Variants in ZYG11B observed in about 807,000 individuals in gnomAD.
ZYG11B encodes the protein zyg-11 family member B, cell cycle regulator.
In ZYG11B, 36 loss-of-function variants were observed where a neutral mutation model predicts 82.4. The ratio of observed to expected loss-of-function variants is 0.44; its 90% CI spans 0.33 to 0.58. ZYG11B has a LOEUF of 0.58. Among genes scored for constraint, ZYG11B ranks in the 20% least tolerant of loss-of-function variants. The pLI is 0.02. For missense variants in ZYG11B, 552 were observed against 895.6 expected (o/e 0.62, Z 4.90); for synonymous variants, 303 against 312.8 (o/e 0.97, Z 0.33).
At chr1:52,759,926 G>A (rs762692477) in intron 2 of ZYG11B, among the ~76,000 whole-genome samples, 7 of 152,108 alleles carry the variant, frequency 4.6e-5, no homozygotes, top group Non-Finnish European at 8.8e-5. Flanking sequence ...TGCTTCCCAG[G>A]TTTAAGCAAT....
chr1:52,802,471 C>G (rs549159488), intron 10 of ZYG11B, among the ~76,000 whole-genome samples: 2 of 150,472 alleles, frequency 1.3e-5, no homozygotes, highest in Admixed American at 1.3e-4. Flanking sequence ...CCAACTCAGT[C>G]TCCCTAGTAG....
chr1:52,768,950 A>G (rs1644723267), intron 2 of ZYG11B, among the ~76,000 whole-genome samples: 5 of 152,108 alleles, frequency 3.3e-5, no homozygotes, highest in Admixed American at 3.3e-4. Flanking sequence ...GGCCTTACTC[A>G]AAGATCACCT....
chr1:52,777,487 C>T (rs1343338135), intron 3 of ZYG11B, among the ~76,000 whole-genome samples: 2 of 152,134 alleles, frequency 1.3e-5, no homozygotes, highest in East Asian at 3.9e-4. Context: ...CTCTGTTGCG[C>T]ATCATGGAGT....
At chr1:52,752,351 T>G (rs111543672) in intron 1 of ZYG11B, among the ~76,000 whole-genome samples, 262 of 152,244 alleles carry the variant, frequency 1.7e-3, no homozygotes, top group African/African-American at 5.8e-3. Flanking sequence ...CTTCCATGCC[T>G]CCTCCAGCAC....
chr1:52,802,152 C>T lies in ZYG11B; in HGVS notation c.1695+13C>T. On this transcript the variant is annotated intron_variant, in intron 10 of 13. Coordinates refer to ENST00000294353, the MANE Select transcript of ZYG11B (RefSeq NM_024646.3). The stretch of plus-strand genomic sequence containing the variant: ...TCTAGGACTTTTGGTAAGATATAAG[C>T]ACTTCCTGCTAAGTTCCAAGCTATA... 6.2e-7 allele frequency: 1 copy of T among 1,606,754 alleles called. No individual in the cohort carries two copies. The highest frequency in any genetic ancestry group is 1.1e-5 in the South Asian group (1 of 88,328).
At chr1:52,728,751 C>A (rs541006389) in intron 1 of ZYG11B, among the ~76,000 whole-genome samples, 1 of 152,142 alleles carries the variant, frequency 6.6e-6, no homozygotes, top group South Asian at 2.1e-4. Context: ...TAAAAGTGTC[C>A]TTTGAGCTGG....
chr1:52,780,561 C>T (rs1031862456), intron 4 of ZYG11B, among the ~76,000 whole-genome samples: 1 of 152,076 alleles, frequency 6.6e-6, no homozygotes, highest in Non-Finnish European at 1.5e-5. Context: ...GGTACTTTTC[C>T]ATGCTGTTTA....
intron 10 of ZYG11B, among the ~76,000 whole-genome samples, chr1:52,806,083 A>G (rs1211473632): frequency 2.6e-5 from 4 of 152,096 alleles, no homozygotes; most frequent in Admixed American, 6.6e-5. Context: ...TCAATAATTT[A>G]ATTTGAGATA....
At position 52,823,210 on chromosome 1, in the gene ZYG11B, T is replaced by A. The variant is rs1645295705; in HGVS notation, c.*1581T>A. ...GGCTCATGCTTGTAATCCCAGCACTTTGGGAAGCTGAAGCAGGAGGATTGC... is the reference window on the plus strand; with the variant it reads ...GGCTCATGCTTGTAATCCCAGCACTATGGGAAGCTGAAGCAGGAGGATTGC... On this transcript the variant is annotated 3_prime_UTR_variant, in exon 14 of 14. Coordinates refer to ENST00000294353, the MANE Select transcript of ZYG11B (RefSeq NM_024646.3). 1.3e-5 allele frequency: 2 copies of A among 152,060 alleles called. No individual in the cohort carries two copies. Among genetic ancestry groups the A allele is most frequent in the East Asian group, 3.9e-4 (2 of 5,176 alleles). The allele number at this position is 152,060 out of a possible 1,614,324, so 9.4% of individuals were successfully genotyped here. A position where few individuals can be genotyped will look rare whatever the true frequency, so the allele number is the denominator to read the frequency against.
At chr1:52,781,854 C>G (rs947634788) in intron 4 of ZYG11B, among the ~76,000 whole-genome samples, 2 of 151,906 alleles carry the variant, frequency 1.3e-5, no homozygotes, top group African/African-American at 4.8e-5. Flanking sequence ...CATTTTAGTC[C>G]TTAGGATATT....
At chr1:52,756,191 T>A (rs1315508983) in intron 1 of ZYG11B, among the ~76,000 whole-genome samples, 2 of 152,218 alleles carry the variant, frequency 1.3e-5, no homozygotes, top group Non-Finnish European at 2.9e-5. Flanking sequence ...TAGAACCCCC[T>A]GCTGTGTGCT....
chr1:52,790,139 C>T, intron 6 of ZYG11B, 72 bp downstream of exon 6: 3 of 1,064,598 alleles, frequency 2.8e-6, no homozygotes, highest in Non-Finnish European at 2.7e-6. Context: ...TCATTTCTTA[C>T]CATTTAGGAT....
intron 3 of ZYG11B, among the ~76,000 whole-genome samples, chr1:52,779,490 A>ATATT (rs1446166075): frequency 6.6e-6 from 1 of 151,894 alleles, no homozygotes. Context: ...TATACAAATG[A>ATATT]TATTTATTTA....
Position 52,783,997 on chromosome 1 carries a change from T to TAGAGAGAGAGAGAG in ZYG11B, c.1093-878_1093-865dup, listed in dbSNP as rs60838674. On this transcript the variant is annotated intron_variant, in intron 4 of 13. Coordinates refer to ENST00000294353, the MANE Select transcript of ZYG11B (RefSeq NM_024646.3). ...ACACACACACACACATATATATATATAGAGAGAGAGAGAGATGGAGTTTCA... is the reference window on the plus strand; with the variant it reads ...ACACACACACACACATATATATATATAGAGAGAGAGAGAGAGAGAGAGAGAGAGATGGAGTTTCA... Among the ~76,000 whole-genome samples the TAGAGAGAGAGAGAG allele has an allele frequency of 3.7e-4, 52 of 142,426 alleles. No individual in the cohort carries two copies. In the East Asian group the frequency reaches 9.5e-3, roughly 26 times the overall value. 93.4% of individuals were successfully genotyped at this position (142,426 alleles called of 152,430 possible).
At chr1:52,782,788 TA>T (rs554015822) in intron 4 of ZYG11B, among the ~76,000 whole-genome samples, 1 of 151,870 alleles carries the variant, frequency 6.6e-6, no homozygotes, top group Non-Finnish European at 1.5e-5. Context: ...AGGCTAATTT[TA>T]AAAAAATTTT....
At position 52,795,016 on chromosome 1, in the gene ZYG11B, A is replaced by G. The variant is rs1366619438; in HGVS notation, c.1335-1276A>G. Among the ~76,000 whole-genome samples the G allele has an allele frequency of 3.9e-5, 6 of 152,252 alleles. No homozygotes were observed. In the East Asian group the frequency reaches 9.7e-4, roughly 25 times the overall value. On this transcript the variant is annotated intron_variant, in intron 6 of 13. Coordinates refer to ENST00000294353, the MANE Select transcript of ZYG11B (RefSeq NM_024646.3). Reference sequence around the variant, plus strand: ...TCATATTCCTGCTCAGAAGCCTTCTATGGCTTTCCCTCTCATTCAGAGTAA... The same window carrying G: ...TCATATTCCTGCTCAGAAGCCTTCTGTGGCTTTCCCTCTCATTCAGAGTAA...
intron 2 of ZYG11B, among the ~76,000 whole-genome samples, chr1:52,767,758 G>C (rs924951132): frequency 5.3e-5 from 8 of 152,148 alleles, no homozygotes; most frequent in African/African-American, 1.9e-4. Flanking sequence ...CTGCTTCCCA[G>C]TTGGCTTCTA....
chr1:52,816,213 A>G (rs1007018764), intron 12 of ZYG11B, among the ~76,000 whole-genome samples: 10 of 152,110 alleles, frequency 6.6e-5, no homozygotes, highest in African/African-American at 2.2e-4. Flanking sequence ...TTATCACCTA[A>G]TTTCTCTATT....
At chr1:52,817,781 A>ATATATATATATATATATATATATATG (rs1645240657) in intron 13 of ZYG11B, among the ~76,000 whole-genome samples, 3 of 21,500 alleles carry the variant, frequency 1.4e-4, no homozygotes, top group Non-Finnish European at 2.8e-4. Flanking sequence ...ATATGTGTAT[A>ATATATATATATATATATATATATATG]TATATATATA....
Sources: allele counts gnomAD v4.1 joint callset (sites outside exome capture counted in the v4.1 genomes callset), GRCh38; gene constraint gnomAD v4.1.1; transcripts MANE v1.5; gene names NCBI Gene and HGNC (gene_info 2026-07-23, HGNC 2026-07-21).